CPQ: variants seen among roughly 807,000 people sequenced by gnomAD.
CPQ encodes Ser-Met dipeptidase.
In CPQ, 37 loss-of-function variants were observed where a neutral mutation model predicts 45.7. The ratio of observed to expected loss-of-function variants is 0.81; its 90% CI spans 0.62 to 1.07. CPQ has a LOEUF of 1.07. Ranked by LOEUF, CPQ falls within the 50% of genes least tolerant of loss-of-function variation. The probability of loss-of-function intolerance (pLI) is 0.00; values close to 1 mark genes in which losing one functional copy is unlikely to be tolerated. For synonymous variants in CPQ, 186 were observed against 205.8 expected (o/e 0.90, Z 0.82); for missense variants, 537 against 572.9 (o/e 0.94, Z 0.64).
intron 7 of CPQ, 148 bp downstream of exon 7, chr8:97,066,358 C>A: frequency 1.5e-6 from 1 of 682,984 alleles, no homozygotes; most frequent in South Asian, 2.0e-5. Context: ...CTGATGATTT[C>A]TAAAACTGGG....
chr8:96,867,017 C>G (rs1812004812), intron 3 of CPQ, among the ~76,000 whole-genome samples: 1 of 152,062 alleles, frequency 6.6e-6, no homozygotes, highest in African/African-American at 2.4e-5. Flanking sequence ...TGCATTTGAG[C>G]TGCCCAACAG....
At chr8:96,868,115 C>G (rs936240860) in intron 3 of CPQ, among the ~76,000 whole-genome samples, 8 of 152,028 alleles carry the variant, frequency 5.3e-5, no homozygotes, top group Non-Finnish European at 1.0e-4. Flanking sequence ...TGGCAGCTTT[C>G]CAGAGAGTGG....
chr8:96,742,459 C>G (rs1040073241), intron 1 of CPQ, among the ~76,000 whole-genome samples: 3 of 152,084 alleles, frequency 2.0e-5, no homozygotes, highest in South Asian at 2.1e-4. Context: ...TTAATTGGAG[C>G]ATTTAGTGCA....
At chr8:97,099,808 C>T (rs1811273197) in intron 7 of CPQ, among the ~76,000 whole-genome samples, 1 of 152,146 alleles carries the variant, frequency 6.6e-6, no homozygotes, top group African/African-American at 2.4e-5. Flanking sequence ...GGCAGTTCTT[C>T]CTTATAATTT....
chr8:96,811,619 A>G lies in CPQ; in HGVS notation c.434-23354A>G, dbSNP rs569661601. On this transcript the variant is annotated intron_variant, in intron 2 of 7. Coordinates refer to ENST00000220763, the MANE Select transcript of CPQ (RefSeq NM_016134.4). The stretch of plus-strand genomic sequence containing the variant: ...ATTTATGAGGTAGAACTAGAAAACA[A>G]AAAAACTCTATGTTATAATCATTTT... 4.9e-4 allele frequency among the ~76,000 whole-genome samples: 74 copies of G among 152,274 alleles called. 1 individual carries two copies. The highest frequency in any genetic ancestry group is 1.8e-3 in the African/African-American group (73 of 41,566).
rs773963546 is a variant in CPQ, at chr8:97,028,011, A to G, written c.962-1392A>G. Among the ~76,000 whole-genome samples, 5 of 152,204 alleles carry G rather than the reference A, an allele frequency of 3.3e-5. 1 individual carries two copies. The highest frequency in any genetic ancestry group is 6.5e-5 in the Admixed American group (1 of 15,276). ...CAGACAACTGCGGGGCTTGGACCAC[A>G]GTAGTGGCCAAGATGAGAATTTGGA... is the stretch of plus-strand genomic sequence containing the variant. On this transcript the variant is annotated intron_variant, in intron 5 of 7. Transcript: ENST00000220763.
intron 1 of CPQ, among the ~76,000 whole-genome samples, chr8:96,746,502 G>T (rs1242404087): frequency 6.6e-6 from 1 of 152,066 alleles, no homozygotes; most frequent in African/African-American, 2.4e-5. Flanking sequence ...TCATCAAGCT[G>T]GTCCCTCTGT....
chr8:96,659,725 G>A (rs1044377017), intron 1 of CPQ, among the ~76,000 whole-genome samples: 1 of 152,176 alleles, frequency 6.6e-6, no homozygotes, highest in African/African-American at 2.4e-5. Context: ...CTGAAATACA[G>A]GGTACAAAAC....
intron 1 of CPQ, among the ~76,000 whole-genome samples, chr8:96,775,843 TC>T (rs1016895838): frequency 6.6e-6 from 1 of 151,872 alleles, no homozygotes; most frequent in Non-Finnish European, 1.5e-5. Context: ...GTAAAAGTGC[TC>T]CCCCCACATA....
At chr8:96,682,400 C>T (rs552983269) in intron 1 of CPQ, among the ~76,000 whole-genome samples, 168 of 152,344 alleles carry the variant, frequency 1.1e-3, no homozygotes, top group Non-Finnish European at 2.1e-3. Context: ...CTGCCATCCA[C>T]GTAAAACGTG....
chr8:96,857,820 G>C (rs1811870028), intron 3 of CPQ, among the ~76,000 whole-genome samples: 1 of 152,142 alleles, frequency 6.6e-6, no homozygotes, highest in Non-Finnish European at 1.5e-5. Context: ...AGACTGGGAA[G>C]AGACAAGTCA....
chr8:96,785,399 A>G (rs1810755258), intron 2 of CPQ, 69 bp downstream of exon 2: 6 of 1,203,102 alleles, frequency 5.0e-6, no homozygotes, highest in Non-Finnish European at 5.8e-6. Context: ...ATTGAGTACA[A>G]TATGCATGAT....
intron 5 of CPQ, among the ~76,000 whole-genome samples, chr8:97,026,200 G>A (rs771985793): frequency 2.0e-5 from 3 of 152,218 alleles, no homozygotes; most frequent in Non-Finnish European, 4.4e-5. Context: ...GTCTAGAGTG[G>A]TGGAGAGAGA....
intron 1 of CPQ, among the ~76,000 whole-genome samples, chr8:96,749,886 A>G (rs1273595709): frequency 2.0e-5 from 3 of 152,240 alleles, no homozygotes; most frequent in African/African-American, 4.8e-5. Context: ...ATACTCTAAT[A>G]AGTATACCAG....
chr8:96,742,704 G>C (rs1444019176), intron 1 of CPQ, among the ~76,000 whole-genome samples: 1 of 152,142 alleles, frequency 6.6e-6, no homozygotes, highest in African/African-American at 2.4e-5. Context: ...TTGCTTGTCT[G>C]TAAAGTATTT....
intron 4 of CPQ, among the ~76,000 whole-genome samples, chr8:96,948,541 G>C (rs1813218938): frequency 6.6e-6 from 1 of 151,956 alleles, no homozygotes; most frequent in Non-Finnish European, 1.5e-5. Context: ...AGTTGGTTAG[G>C]ACTTTTTTTG....
intron 3 of CPQ, among the ~76,000 whole-genome samples, chr8:96,854,557 A>AAACC (rs1554573253): frequency 1.3e-5 from 1 of 76,866 alleles, no homozygotes; most frequent in Non-Finnish European, 2.7e-5. Flanking sequence ...AAAAAAAAAA[A>AAACC]AATGTGGTGG....
At chr8:97,069,873 G>C (rs958984760) in intron 7 of CPQ, among the ~76,000 whole-genome samples, 5 of 152,002 alleles carry the variant, frequency 3.3e-5, no homozygotes, top group African/African-American at 1.2e-4. Context: ...CCAAAATACT[G>C]ATAGAACTGT....
intron 6 of CPQ, among the ~76,000 whole-genome samples, chr8:97,036,057 C>T (rs1809998692): frequency 6.6e-6 from 1 of 152,136 alleles, no homozygotes; most frequent in Non-Finnish European, 1.5e-5. Flanking sequence ...TTCAGGGAGA[C>T]CAAAGGCCTT....
Sources: gnomAD v4.1 joint callset for allele counts (sites outside exome capture counted in the v4.1 genomes callset) on GRCh38, gnomAD v4.1.1 for gene constraint, MANE v1.5 for transcripts, NCBI Gene and HGNC (gene_info 2026-07-23, HGNC 2026-07-21) for gene names.